The following PDZD2 variants were observed in gnomAD, a reference collection of about 807,000 sequenced individuals.
PDZD2 encodes the protein PDZ domain-containing protein 2.
PDZD2 carries 90 observed loss-of-function variants against 220.7 expected under a neutral mutation model. The observed-to-expected ratio is 0.41, with a 90% CI of 0.34 to 0.49. The LOEUF is 0.49. PDZD2 is among the 20% of genes least tolerant of loss of function. The pLI is 0.28. For synonymous variants in PDZD2, 1,375 were observed against 1,450.5 expected, an observed-to-expected ratio of 0.95 and a Z score of 1.18; for missense variants, 3,174 against 3,608.5, an observed-to-expected ratio of 0.88 and a Z score of 3.08.
rs540511149 is a variant in PDZD2 at position 31,895,809 on chromosome 5, T to C, written c.477-87346T>C. 4.6e-5 allele frequency among the ~76,000 whole-genome samples: 7 copies of C among 152,262 alleles called. No homozygotes were observed. In the South Asian group the frequency reaches 8.3e-4, roughly 18 times the overall value. On this transcript the variant is annotated intron_variant, in intron 2 of 24. Transcript: ENST00000438447. ...CCCCTTCCAAAAGACAGTGTTATTATGTTGATGCCTGAGCAGCGTAGCCTT... is the reference window on the plus strand; with the variant it reads ...CCCCTTCCAAAAGACAGTGTTATTACGTTGATGCCTGAGCAGCGTAGCCTT...
intron 2 of PDZD2, chr5:31,840,957 CTT>C: frequency 2.2e-6 from 1 of 453,198 alleles, no homozygotes; most frequent in Non-Finnish European, 3.9e-6. Context: ...TCCTCTTTCT[CTT>C]TGTGTTTCTC....
intron 1 of PDZD2, chr5:31,664,752 A>T (rs1327889674): frequency 6.6e-6 from 1 of 152,064 alleles, no homozygotes; most frequent in African/African-American, 2.4e-5. Context: ...GATCTCACTC[A>T]TCCTTGGTCA....
At chr5:31,726,411 C>T (rs1561410472) in intron 1 of PDZD2, among the ~76,000 whole-genome samples, 1 of 152,176 alleles carries the variant, frequency 6.6e-6, no homozygotes, top group East Asian at 1.9e-4. Flanking sequence ...TGCTTGTAAT[C>T]CCAGCTACTC....
intron 2 of PDZD2, among the ~76,000 whole-genome samples, chr5:31,956,536 G>A (rs187013980): frequency 9.5e-5 from 13 of 137,364 alleles, no homozygotes; most frequent in Admixed American, 6.7e-4. Flanking sequence ...GACAGAGTGA[G>A]ACTCTGTCTC....
rs1414191761 is a variant in PDZD2, at chr5:31,995,695, G to A, written c.1098G>A (p.Val366=). The change falls in exon 4 of 25, where the codon GTG becomes GTA. Residue 366 remains valine (V), a synonymous_variant. Transcript: ENST00000438447. ...RSPHAIVVTQ[V]KEGGAAHRDG... is the part of the protein sequence containing the mutation. Reference sequence around the variant, plus strand: ...CTCACGCTATCGTTGTCACTCAAGTGAAGGAAGGAGGTGCCGCTCACAGGT... The same window carrying A: ...CTCACGCTATCGTTGTCACTCAAGTAAAGGAAGGAGGTGCCGCTCACAGGT... 1 of 1,613,984 alleles carries A rather than the reference G, an allele frequency of 6.2e-7. No individual in the cohort carries two copies. Among genetic ancestry groups the A allele is most frequent in the Admixed American group, 1.7e-5 (1 of 60,016 alleles).
chr5:31,814,874 G>C (rs184945517), intron 2 of PDZD2, among the ~76,000 whole-genome samples: 1 of 151,976 alleles, frequency 6.6e-6, no homozygotes, highest in East Asian at 1.9e-4. Context: ...GGAGCGTATG[G>C]GTTAAGATAG....
At chr5:32,075,927 T>A (rs998949610) in intron 18 of PDZD2, among the ~76,000 whole-genome samples, 4 of 152,198 alleles carry the variant, frequency 2.6e-5, no homozygotes, top group African/African-American at 7.2e-5. Flanking sequence ...AAATATCATA[T>A]TTTACCTCCA....
intron 2 of PDZD2, among the ~76,000 whole-genome samples, chr5:31,874,760 T>TA (rs11390710): frequency 0.46 from 63,874 of 138,976 alleles, 14,671 homozygotes; most frequent in Middle Eastern, 0.54. Context: ...GACTCTATCT[T>TA]AAAAAAAAAA....
At chr5:31,672,372 G>A (rs1229240534) in intron 1 of PDZD2, among the ~76,000 whole-genome samples, 2 of 152,198 alleles carry the variant, frequency 1.3e-5, no homozygotes, top group Non-Finnish European at 2.9e-5. Flanking sequence ...TGGGTGGTAT[G>A]CTTTGGCTGG....
chr5:31,815,208 GCACTCCAGCCTAGGCAAC>G (rs1221547878), intron 2 of PDZD2, among the ~76,000 whole-genome samples: 1 of 133,326 alleles, frequency 7.5e-6, no homozygotes, highest in Non-Finnish European at 1.5e-5. Context: ...TCGCGCCACT[GCACTCCAGCCTAGGCAAC>G]AAGAGCAAAA....
intron 2 of PDZD2, among the ~76,000 whole-genome samples, chr5:31,869,244 C>T (rs1738519310): frequency 6.6e-6 from 1 of 152,234 alleles, no homozygotes; most frequent in Non-Finnish European, 1.5e-5. Context: ...CGGGAGGAAC[C>T]TGTGCTGTCT....
chr5:31,678,390 G>A (rs1746526469), intron 1 of PDZD2, among the ~76,000 whole-genome samples: 1 of 152,184 alleles, frequency 6.6e-6, no homozygotes, highest in Admixed American at 6.5e-5. Flanking sequence ...GGAATTCCCT[G>A]AGAGAGCTGG....
intron 2 of PDZD2, among the ~76,000 whole-genome samples, chr5:31,969,727 A>G (rs886763959): frequency 6.6e-6 from 1 of 151,908 alleles, no homozygotes; most frequent in Non-Finnish European, 1.5e-5. Context: ...AAAATCACTG[A>G]ATTATACCTT....
chr5:32,071,276 G>A lies in PDZD2; in HGVS notation c.2534-108G>A, dbSNP rs183559726. 337 of 813,460 alleles carry A rather than the reference G, an allele frequency of 4.1e-4. No individual in the cohort carries two copies. The East Asian group carries it at 6.7e-3, about 16-fold the overall frequency. 50.4% of individuals were successfully genotyped at this position (813,460 alleles called of 1,614,324 possible). A position where few individuals can be genotyped will look rare whatever the true frequency, so the allele number is the denominator to read the frequency against. On this transcript the variant is annotated intron_variant, in intron 15 of 24. Coordinates refer to ENST00000438447, the MANE Select transcript of PDZD2 (RefSeq NM_178140.4). Reference sequence around the variant, plus strand: ...CATGCAGCCCGTCATCAAGCAAAGGGAGTTTTGTTTACTGTGTTTGCCGCC... The same window carrying A: ...CATGCAGCCCGTCATCAAGCAAAGGAAGTTTTGTTTACTGTGTTTGCCGCC...
intron 2 of PDZD2, among the ~76,000 whole-genome samples, chr5:31,836,629 T>C (rs1244095282): frequency 6.6e-6 from 1 of 152,186 alleles, no homozygotes; most frequent in East Asian, 1.9e-4. Context: ...GATGATGCTC[T>C]AATGACAAAA....
chr5:32,065,323 C>G (rs567573377), intron 14 of PDZD2, among the ~76,000 whole-genome samples: 2 of 152,142 alleles, frequency 1.3e-5, no homozygotes, highest in Non-Finnish European at 2.9e-5. Flanking sequence ...AAAAATACTT[C>G]TTACCCATGC....
chr5:31,795,799 A>G lies in PDZD2; in HGVS notation c.-360-3090A>G, dbSNP rs1158130238. Among the ~76,000 whole-genome samples, 4 of 152,212 alleles carry G rather than the reference A, an allele frequency of 2.6e-5. No homozygotes were observed. In the East Asian group the frequency reaches 7.7e-4, roughly 29 times the overall value. ...TGATGCTTCTACTTCCCTTGTTTAT[A>G]GAAAAATCCCAGGCAAATGGGTTGA... On this transcript the variant is annotated intron_variant, in intron 1 of 24. Coordinates refer to ENST00000438447, the MANE Select transcript of PDZD2 (RefSeq NM_178140.4).
Position 32,000,395 on chromosome 5 carries a change from T to C in PDZD2, c.1254+124T>C, listed in dbSNP as rs1193826494. 3.9e-6 allele frequency: 4 copies of C among 1,020,772 alleles called. No individual in the cohort carries two copies. The highest frequency in any genetic ancestry group is 3.1e-5 in the African/African-American group (2 of 63,570). The allele number at this position is 1,020,772 out of a possible 1,614,324, so 63.2% of individuals were successfully genotyped here. A position where few individuals can be genotyped will look rare whatever the true frequency, so the allele number is the denominator to read the frequency against. On this transcript the variant is annotated intron_variant, in intron 5 of 24. Transcript: ENST00000438447. This position sits in a 1 kb window ranked among gnomAD's most constrained non-coding sequence, Gnocchi z 4.5. Reference sequence around the variant, plus strand: ...GCACTTGTACGTTTGCCTTGGGCTATTGAAACAGCCTTGCTTCCACAGGGC... The same window carrying C: ...GCACTTGTACGTTTGCCTTGGGCTACTGAAACAGCCTTGCTTCCACAGGGC...
chr5:31,780,453 A>T (rs572767324), intron 1 of PDZD2, among the ~76,000 whole-genome samples: 1 of 152,162 alleles, frequency 6.6e-6, no homozygotes, highest in Non-Finnish European at 1.5e-5. Context: ...TTTATTTTTG[A>T]TATTTCATCA....
Sources: gnomAD v4.1 joint callset for allele counts (sites outside exome capture counted in the v4.1 genomes callset) on GRCh38, gnomAD v4.1.1 for gene constraint, Gnocchi (gnomAD v3.1) non-coding constraint, MANE v1.5 for transcripts, NCBI Gene and HGNC (gene_info 2026-07-23, HGNC 2026-07-21) for gene names.